The following FAM124B variants were observed in gnomAD, a reference collection of about 807,000 sequenced individuals.
FAM124B encodes the protein family with sequence similarity 124 member B, also known as protein FAM124B.
FAM124B carries 18 observed loss-of-function variants against 19.7 expected under a neutral mutation model. The observed-to-expected ratio is 0.92, with a 90% CI of 0.63 to 1.36. The LOEUF (loss-of-function observed/expected upper bound fraction) is 1.36. FAM124B is among the 40% of genes most tolerant of loss of function. FAM124B has a pLI of 0.00. For synonymous variants in FAM124B, 223 were observed against 225.2 expected, an observed-to-expected ratio of 0.99 and a Z score of 0.09; for missense variants, 540 against 553.3, an observed-to-expected ratio of 0.98 and a Z score of 0.24.
chr2:224,385,380 A>C (rs1351779520), intron 1 of FAM124B, among the ~76,000 whole-genome samples: 1 of 151,362 alleles, frequency 6.6e-6, no homozygotes, highest in African/African-American at 2.4e-5. Flanking sequence ...CTTTCCCTCC[A>C]CCCCTTCTCC....
chr2:224,401,510 C>G lies in FAM124B; in HGVS notation c.259G>C (p.Asp87His), dbSNP rs1035099098. 6.2e-7 allele frequency: 1 copy of G among 1,614,064 alleles called. No homozygotes were observed. The highest frequency in any genetic ancestry group is 8.5e-7 in the Non-Finnish European group (1 of 1,180,000). Residue 87 changes from aspartate to histidine, a missense_variant, in exon 1 of 2, where the codon GAC becomes CAC. Physicochemically the swap from Asp to His is moderately conservative, Grantham distance 81. Coordinates refer to ENST00000409685, the MANE Select transcript of FAM124B (RefSeq NM_001122779.2). ...TGCCATGGCGAATGCTGGAGAGAGTCCAGGACGCGAAATAGCCTATCCTCT... is the reference window on the plus strand; with the variant it reads ...TGCCATGGCGAATGCTGGAGAGAGTGCAGGACGCGAAATAGCCTATCCTCT... ...PGEDRLFRVL[D>H]SLQHSPWQCY...
rs1337320489 is a variant in FAM124B, at chr2:224,379,288, T to G, written c.*285A>C. The G allele has an allele frequency of 5.5e-5, 20 of 364,320 alleles. No homozygotes were observed. The East Asian group carries it at 9.4e-4, about 17-fold the overall frequency. 22.6% of individuals were successfully genotyped at this position (364,320 alleles called of 1,614,324 possible). On this transcript the variant is annotated 3_prime_UTR_variant, in exon 2 of 2. Coordinates refer to ENST00000409685, the MANE Select transcript of FAM124B (RefSeq NM_001122779.2). The stretch of plus-strand genomic sequence containing the variant: ...ACAATGCAATTATCCTGATAGGTGC[T>G]GGATTCAACACATCCAGCTGGGTTA...
intron 1 of FAM124B, among the ~76,000 whole-genome samples, chr2:224,380,441 GAC>G (rs1242528785): frequency 6.6e-6 from 1 of 152,196 alleles, no homozygotes; most frequent in East Asian, 1.9e-4. Flanking sequence ...ACAAGGGTAA[GAC>G]TTTGGGAATC....
intron 1 of FAM124B, among the ~76,000 whole-genome samples, chr2:224,392,728 C>T (rs1341611896): frequency 1.3e-5 from 2 of 151,476 alleles, no homozygotes; most frequent in Non-Finnish European, 2.9e-5. Flanking sequence ...GCACTTCAGT[C>T]TGGGCAACAG....
At chr2:224,394,968 A>G (rs1360170474) in intron 1 of FAM124B, among the ~76,000 whole-genome samples, 1 of 152,238 alleles carries the variant, frequency 6.6e-6, no homozygotes, top group East Asian at 1.9e-4. Context: ...CCAAAGGCTA[A>G]CAAGATCATG....
In FAM124B at chr2:224,379,157, TAGC is replaced by T; in HGVS notation, c.*413_*415del. 6.2e-6 allele frequency: 1 copy of T among 160,990 alleles called. No homozygotes were observed. Among genetic ancestry groups the T allele is most frequent in the South Asian group, 1.7e-4 (1 of 5,728 alleles). 10.0% of individuals were successfully genotyped at this position (160,990 alleles called of 1,614,324 possible). On this transcript the variant is annotated 3_prime_UTR_variant, in exon 2 of 2. Coordinates refer to ENST00000409685, the MANE Select transcript of FAM124B (RefSeq NM_001122779.2). ...AAATTAAAAAGCATTCAAGAGTAAA[TAGC>T]AGTCCATATTGTCCAGGGGGATGAG...
chr2:224,382,758 C>G (rs1283226637), intron 1 of FAM124B, among the ~76,000 whole-genome samples: 1 of 152,072 alleles, frequency 6.6e-6, no homozygotes, highest in Non-Finnish European at 1.5e-5. Context: ...AAATATGAAG[C>G]AATCTAATTA....
intron 1 of FAM124B, among the ~76,000 whole-genome samples, chr2:224,393,622 C>T (rs548491270): frequency 3.3e-5 from 5 of 152,212 alleles, no homozygotes; most frequent in African/African-American, 1.2e-4. Context: ...GAAAACCATC[C>T]TCCTTCACTG....
chr2:224,383,602 T>C (rs1425220687), intron 1 of FAM124B, among the ~76,000 whole-genome samples: 2 of 152,156 alleles, frequency 1.3e-5, no homozygotes, highest in Non-Finnish European at 2.9e-5. Context: ...AAATAAAAAG[T>C]AAAGCCTTCT....
intron 1 of FAM124B, among the ~76,000 whole-genome samples, chr2:224,385,553 T>A (rs998849445): frequency 6.6e-6 from 1 of 152,168 alleles, no homozygotes; most frequent in Non-Finnish European, 1.5e-5. Flanking sequence ...CCCAAAAGTG[T>A]AACTACACCT....
intron 1 of FAM124B, among the ~76,000 whole-genome samples, chr2:224,381,318 G>T (rs140094276): frequency 2.0e-5 from 3 of 152,144 alleles, no homozygotes; most frequent in East Asian, 1.9e-4. Flanking sequence ...TCAGCCAGAC[G>T]TGTGGTCCAT....
At position 224,400,450 on chromosome 2, in the gene FAM124B, G is replaced by T. The variant is rs1046644223; in HGVS notation, c.732+587C>A. 5 of 697,554 alleles carry T rather than the reference G, an allele frequency of 7.2e-6. No individual in the cohort carries two copies. The African/African-American group carries it at 8.8e-5, about 12-fold the overall frequency. The allele number at this position is 697,554 out of a possible 1,614,324, so 43.2% of individuals were successfully genotyped here. A position where few individuals can be genotyped will look rare whatever the true frequency, so the allele number is the denominator to read the frequency against. On this transcript the variant is annotated intron_variant, in intron 1 of 1. Coordinates refer to ENST00000409685, the MANE Select transcript of FAM124B (RefSeq NM_001122779.2). ...GAACCCAGAAGGTGAAGACCTCAGG[G>T]AGCTATGATGGCACCACCGCACTCG... is the stretch of plus-strand genomic sequence containing the variant.
chr2:224,387,773 TC>T (rs1689821788), intron 1 of FAM124B, among the ~76,000 whole-genome samples: 4 of 151,846 alleles, frequency 2.6e-5, no homozygotes, highest in African/African-American at 9.7e-5. Flanking sequence ...AAGAGGGAGT[TC>T]ATAGATCCTG....
intron 1 of FAM124B, chr2:224,400,414 G>A (rs1178089439): frequency 1.4e-6 from 1 of 693,478 alleles, no homozygotes; most frequent in Non-Finnish European, 2.6e-6. Context: ...GCTAAGGCAG[G>A]AGGATCACTT....
chr2:224,385,176 C>G (rs1689784041), intron 1 of FAM124B, among the ~76,000 whole-genome samples: 1 of 152,194 alleles, frequency 6.6e-6, no homozygotes, highest in Non-Finnish European at 1.5e-5. Flanking sequence ...TCTGCCTCTT[C>G]TTACACCACG....
chr2:224,390,707 TG>T (rs55959619), intron 1 of FAM124B, among the ~76,000 whole-genome samples: 29,070 of 141,976 alleles, frequency 0.2, 3,163 homozygotes, highest in African/African-American at 0.26. Flanking sequence ...TTTTTTTGTT[TG>T]TTTGTTTTTT....
chr2:224,382,670 A>G (rs958024734), intron 1 of FAM124B, among the ~76,000 whole-genome samples: 2 of 152,078 alleles, frequency 1.3e-5, no homozygotes, highest in Non-Finnish European at 2.9e-5. Context: ...TGGCCTCCCA[A>G]AATGCTGGAT....
At chr2:224,394,869 G>T (rs909828047) in intron 1 of FAM124B, among the ~76,000 whole-genome samples, 2 of 152,090 alleles carry the variant, frequency 1.3e-5, no homozygotes, top group Non-Finnish European at 2.9e-5. Context: ...TGCATTTCCT[G>T]CAGGCTGCCT....
chr2:224,401,148 A>T lies in FAM124B; in HGVS notation c.621T>A (p.Phe207Leu), dbSNP rs763081772. 1.9e-6 allele frequency: 3 copies of T among 1,614,044 alleles called. No individual in the cohort carries two copies. The Admixed American group carries it at 5.0e-5, about 27-fold the overall frequency. The change falls in exon 1 of 2, where the codon TTT becomes TTA. Residue 207 changes from phenylalanine (F) to leucine (L), a missense_variant. Physicochemically the swap from Phe to Leu is conservative, Grantham distance 22 (BLOSUM62 0). Coordinates refer to ENST00000409685, the MANE Select transcript of FAM124B (RefSeq NM_001122779.2). Reference sequence around the variant, plus strand: ...CTAACTGGCCGATCTCTTGAACCTTAAACTGCAGCACCGAAGACTCTTTGG... The same window carrying T: ...CTAACTGGCCGATCTCTTGAACCTTTAACTGCAGCACCGAAGACTCTTTGG... ...VDPKESSVLQ[F>L]KVQEIGQLVP...
Sources: allele counts gnomAD v4.1 joint callset (sites outside exome capture counted in the v4.1 genomes callset), GRCh38; gene constraint gnomAD v4.1.1; transcripts MANE v1.5; gene names NCBI Gene and HGNC (gene_info 2026-07-23, HGNC 2026-07-21).